The following PTPRD variants were observed in gnomAD, a reference collection of about 807,000 sequenced individuals.
PTPRD encodes the protein protein tyrosine phosphatase receptor type D.
PTPRD carries 34 observed loss-of-function variants against 214.5 expected under a neutral mutation model. That is an observed-to-expected ratio of 0.16 (90% CI 0.12 to 0.21). The LOEUF (loss-of-function observed/expected upper bound fraction) is 0.21. PTPRD is among the 10% of genes least tolerant of loss of function. The pLI is 1.00. For missense variants in PTPRD, 2,545 were observed against 2,398.7 expected (o/e 1.06, Z -1.27); for synonymous variants, 1,128 against 845.7 (o/e 1.33, Z -5.79).
At chr9:9,380,105 G>A (rs1045010220) in intron 9 of PTPRD, among the ~76,000 whole-genome samples, 2 of 151,976 alleles carry the variant, frequency 1.3e-5, no homozygotes, top group African/African-American at 4.8e-5. Flanking sequence ...ACCTTTGAGT[G>A]TCTTACCATT....
At chr9:9,733,627 C>G (rs2098239181) in intron 7 of PTPRD, among the ~76,000 whole-genome samples, 1 of 152,050 alleles carries the variant, frequency 6.6e-6, no homozygotes, top group Admixed American at 6.6e-5. Context: ...CCAGCAATAC[C>G]CAGTTATTAC....
At chr9:9,277,277 T>A (rs1408026611) in intron 9 of PTPRD, among the ~76,000 whole-genome samples, 1 of 151,380 alleles carries the variant, frequency 6.6e-6, no homozygotes, top group Non-Finnish European at 1.5e-5. Context: ...TCAGTATGGT[T>A]GTGTCTTAAA....
intron 5 of PTPRD, among the ~76,000 whole-genome samples, chr9:9,891,017 T>A (rs1018917192): frequency 6.6e-6 from 1 of 152,124 alleles, no homozygotes; most frequent in African/African-American, 2.4e-5. Flanking sequence ...GCAAGTTGAT[T>A]TTTTCCCGTC....
At chr9:8,901,372 T>C (rs2098667699) in intron 11 of PTPRD, among the ~76,000 whole-genome samples, 1 of 152,218 alleles carries the variant, frequency 6.6e-6, no homozygotes, top group Non-Finnish European at 1.5e-5. Context: ...ACTATTTCCA[T>C]CAATATGAAT....
At chr9:10,072,941 T>C (rs1302994824) in intron 3 of PTPRD, among the ~76,000 whole-genome samples, 1 of 152,112 alleles carries the variant, frequency 6.6e-6, no homozygotes, top group Non-Finnish European at 1.5e-5. Flanking sequence ...TGTCCTTCAG[T>C]AGGTGAATAG....
At chr9:9,937,848 T>C (rs929511140) in intron 5 of PTPRD, among the ~76,000 whole-genome samples, 1 of 152,226 alleles carries the variant, frequency 6.6e-6, no homozygotes, top group African/African-American at 2.4e-5. Flanking sequence ...TTCCCTAAAC[T>C]GTTATTCTAT....
chr9:8,770,391 T>C (rs1168039900), intron 11 of PTPRD, among the ~76,000 whole-genome samples: 1 of 152,052 alleles, frequency 6.6e-6, no homozygotes, highest in African/African-American at 2.4e-5. Context: ...ATCAAATAAT[T>C]AGAAAATACA....
chr9:8,392,521 T>C (rs1299143594), intron 36 of PTPRD, among the ~76,000 whole-genome samples: 1 of 152,104 alleles, frequency 6.6e-6, no homozygotes, highest in Non-Finnish European at 1.5e-5. Flanking sequence ...AGCAAGACTC[T>C]GTCTCAATAA....
intron 3 of PTPRD, among the ~76,000 whole-genome samples, chr9:10,132,403 T>C (rs2098899816): frequency 1.3e-5 from 2 of 152,210 alleles, no homozygotes; most frequent in Admixed American, 1.3e-4. Context: ...TGAAAATAAT[T>C]ATTCACTTTA....
intron 12 of PTPRD, among the ~76,000 whole-genome samples, chr9:8,720,865 C>G (rs1351031205): frequency 6.6e-6 from 1 of 151,986 alleles, no homozygotes; most frequent in Non-Finnish European, 1.5e-5. Flanking sequence ...GGACCTGATG[C>G]CCACTGGCAT....
At chr9:8,321,206 A>G (rs1443848191) in intron 44 of PTPRD, among the ~76,000 whole-genome samples, 1 of 151,844 alleles carries the variant, frequency 6.6e-6, no homozygotes, top group East Asian at 1.9e-4. Flanking sequence ...GAGATTTATT[A>G]TCTTTTTGTT....
intron 12 of PTPRD, among the ~76,000 whole-genome samples, chr9:8,732,158 C>G (rs138015097): frequency 8.2e-4 from 125 of 152,280 alleles, no homozygotes; most frequent in African/African-American, 2.8e-3. Context: ...TTTTCAAACA[C>G]AATTTTAAAA....
chr9:9,115,144 G>A (rs1283769557), intron 10 of PTPRD, among the ~76,000 whole-genome samples: 11 of 152,106 alleles, frequency 7.2e-5, no homozygotes, highest in African/African-American at 2.7e-4. Context: ...GGTATTTCTG[G>A]TGGTTATTCT....
intron 5 of PTPRD, among the ~76,000 whole-genome samples, chr9:9,932,344 A>G (rs1255837112): frequency 7.0e-6 from 1 of 142,676 alleles, no homozygotes; most frequent in Non-Finnish European, 1.5e-5. Context: ...ATTTAGAAGA[A>G]TGTATAACTA....
At chr9:10,288,375 A>G (rs914184068) in intron 3 of PTPRD, among the ~76,000 whole-genome samples, 2 of 152,142 alleles carry the variant, frequency 1.3e-5, no homozygotes, top group Non-Finnish European at 2.9e-5. Context: ...TTTAAAAACA[A>G]TTATACCATT....
chr9:8,363,592 G>C (rs1178387970), intron 39 of PTPRD, among the ~76,000 whole-genome samples: 1 of 152,140 alleles, frequency 6.6e-6, no homozygotes, highest in Admixed American at 6.5e-5. Context: ...TGGGGGTTTT[G>C]CTCTTCTCAT....
chr9:8,536,610 G>A (rs533540708), intron 14 of PTPRD, among the ~76,000 whole-genome samples: 1 of 151,944 alleles, frequency 6.6e-6, no homozygotes, highest in African/African-American at 2.4e-5. Flanking sequence ...TTTTCCTAGA[G>A]AGCTGAGATT....
At chr9:9,946,914 T>A (rs1342019943) in intron 4 of PTPRD, among the ~76,000 whole-genome samples, 2 of 152,062 alleles carry the variant, frequency 1.3e-5, no homozygotes, top group Non-Finnish European at 1.5e-5. Context: ...GCTGACACAT[T>A]ATCATTTTTA....
At chr9:9,056,961 C>T (rs1408565301) in intron 10 of PTPRD, among the ~76,000 whole-genome samples, 1 of 152,150 alleles carries the variant, frequency 6.6e-6, no homozygotes, top group Non-Finnish European at 1.5e-5. Context: ...CAATTAGGAA[C>T]TTGATGATCT....
Sources: allele counts gnomAD v4.1 joint callset (sites outside exome capture counted in the v4.1 genomes callset), GRCh38; gene constraint gnomAD v4.1.1; transcripts MANE v1.5; gene names NCBI Gene and HGNC (gene_info 2026-07-23, HGNC 2026-07-21).